The following SLC22A9 variants were observed in gnomAD, a reference collection of about 807,000 sequenced individuals.
SLC22A9 encodes the protein solute carrier family 22 member 9.
A neutral mutation model predicts 50.1 loss-of-function variants in SLC22A9; 64 were observed. That is an observed-to-expected ratio of 1.28 (90% CI 1.04 to 1.57). The LOEUF (loss-of-function observed/expected upper bound fraction) is 1.57. SLC22A9 is among the 40% of genes most tolerant of loss of function. SLC22A9 has a pLI of 0.00. For missense variants in SLC22A9, 757 were observed against 676.1 expected (o/e 1.12, Z -1.33); for synonymous variants, 261 against 242.5 (o/e 1.08, Z -0.71).
chr11:63,408,917 G>A, intron 9 of SLC22A9, 38 bp downstream of exon 9: 2 of 1,605,196 alleles, frequency 1.2e-6, no homozygotes, highest in Non-Finnish European at 1.7e-6. Flanking sequence ...GAGGATCTGT[G>A]TGCTATAGGT....
In SLC22A9 at chr11:63,389,644, G is replaced by A. The variant is rs1014796342; in HGVS notation, c.1073+7367G>A. On this transcript the variant is annotated intron_variant, in intron 6 of 9. Coordinates refer to ENST00000279178, the MANE Select transcript of SLC22A9 (RefSeq NM_080866.3). ...GTAAATAGTGCTGCGATAAACATAC[G>A]TGTGCATGTGTCTTTATAGTAGAAT... Among the ~76,000 whole-genome samples the A allele has an allele frequency of 1.4e-4, 21 of 152,228 alleles. 1 individual carries two copies. The highest frequency in any genetic ancestry group is 6.8e-3 in the Middle Eastern group (2 of 294).
At chr11:63,382,086 G>T in intron 5 of SLC22A9, 73 bp from the exon 6 acceptor site, 1 of 1,079,052 alleles carries the variant, frequency 9.3e-7, no homozygotes, top group Non-Finnish European at 1.4e-6. Flanking sequence ...TCATCTGTGG[G>T]TTGACCAGTG....
chr11:63,375,604 A>C, intron 4 of SLC22A9, 41 bp from the exon 5 acceptor site: 1 of 1,595,706 alleles, frequency 6.3e-7, no homozygotes, highest in Non-Finnish European at 8.5e-7. Context: ...AGAAATGAGG[A>C]AGTGAAAGTC....
At chr11:63,378,058 AG>A (rs911283384) in intron 5 of SLC22A9, among the ~76,000 whole-genome samples, 4 of 152,062 alleles carry the variant, frequency 2.6e-5, no homozygotes, top group South Asian at 2.1e-4. Context: ...AGTAATAAAA[AG>A]CCAGTCAACT....
chr11:63,378,701 T>G (rs2014508214), intron 5 of SLC22A9, among the ~76,000 whole-genome samples: 1 of 152,044 alleles, frequency 6.6e-6, no homozygotes, highest in Non-Finnish European at 1.5e-5. Flanking sequence ...TGTACAAAAA[T>G]CAGTAGCATT....
chr11:63,403,287 C>T (rs1245018564), intron 6 of SLC22A9, among the ~76,000 whole-genome samples: 1 of 152,006 alleles, frequency 6.6e-6, no homozygotes, highest in Non-Finnish European at 1.5e-5. Context: ...CAGATTTCTG[C>T]AGAAACCTTG....
rs866247142 is a variant in SLC22A9, at chr11:63,383,923, C to T, written c.1073+1646C>T. 2.2e-4 allele frequency among the ~76,000 whole-genome samples: 34 copies of T among 152,138 alleles called. No individual in the cohort carries two copies. The Middle Eastern group carries it at 0.01, about 46-fold the overall frequency. Reference sequence around the variant, plus strand: ...AATTAGTTGGGCGTGGTGGTGCACGCCTGTAGTCCCAGCTACTTGGGAGGC... The same window carrying T: ...AATTAGTTGGGCGTGGTGGTGCACGTCTGTAGTCCCAGCTACTTGGGAGGC... On this transcript the variant is annotated intron_variant, in intron 6 of 9. Coordinates refer to ENST00000279178, the MANE Select transcript of SLC22A9 (RefSeq NM_080866.3).
At chr11:63,374,314 G>C (rs963325950) in intron 4 of SLC22A9, among the ~76,000 whole-genome samples, 1 of 151,962 alleles carries the variant, frequency 6.6e-6, no homozygotes, top group Non-Finnish European at 1.5e-5. Context: ...TATTGTAAGA[G>C]ACATAATTTA....
chr11:63,392,587 A>G (rs528020806), intron 6 of SLC22A9, among the ~76,000 whole-genome samples: 1 of 151,992 alleles, frequency 6.6e-6, no homozygotes, highest in South Asian at 2.1e-4. Flanking sequence ...AAAGTCTGTT[A>G]CCAGATGTAT....
At position 63,398,514 on chromosome 11, in the gene SLC22A9, C is replaced by T. The variant is rs570054942; in HGVS notation, c.1074-7983C>T. ...CCCAGATTCTGACCACTGGGATGGG[C>T]GATTCCCCTCTGGCTAGGGCTGGTC... is the stretch of plus-strand genomic sequence containing the variant. On this transcript the variant is annotated intron_variant, in intron 6 of 9. Transcript: ENST00000279178. Among the ~76,000 whole-genome samples, 78 of 152,264 alleles carry T rather than the reference C, an allele frequency of 5.1e-4. 1 individual carries two copies. Among genetic ancestry groups the T allele is most frequent in the African/African-American group, 9.4e-4 (39 of 41,546 alleles).
chr11:63,392,361 G>A (rs1442469388), intron 6 of SLC22A9, among the ~76,000 whole-genome samples: 1 of 152,044 alleles, frequency 6.6e-6, no homozygotes, highest in Non-Finnish European at 1.5e-5. Flanking sequence ...TTGTCTTTCA[G>A]ATGGAAGAAA....
intron 6 of SLC22A9, among the ~76,000 whole-genome samples, chr11:63,384,806 T>C (rs1247851905): frequency 1.3e-5 from 2 of 152,146 alleles, no homozygotes. Flanking sequence ...GCATGTTATT[T>C]CTTGACTTTT....
intron 6 of SLC22A9, among the ~76,000 whole-genome samples, chr11:63,386,831 T>G (rs1222834110): frequency 6.6e-6 from 1 of 151,604 alleles, no homozygotes; most frequent in Non-Finnish European, 1.5e-5. Flanking sequence ...GATGATTTTG[T>G]TTTTTTGTTT....
At chr11:63,389,532 T>C (rs932806540) in intron 6 of SLC22A9, among the ~76,000 whole-genome samples, 2 of 152,232 alleles carry the variant, frequency 1.3e-5, no homozygotes, top group Non-Finnish European at 2.9e-5. Context: ...TATGGCTGCA[T>C]GGTATTCCAT....
At chr11:63,408,286 T>G in intron 8 of SLC22A9, 66 bp downstream of exon 8, 1 of 1,279,722 alleles carries the variant, frequency 7.8e-7, no homozygotes, top group South Asian at 1.2e-5. Context: ...TGACACTTTT[T>G]GCGGGAAGAA....
intron 6 of SLC22A9, among the ~76,000 whole-genome samples, chr11:63,386,335 C>T (rs2119927488): frequency 6.6e-6 from 1 of 150,616 alleles, no homozygotes; most frequent in Admixed American, 6.6e-5. Flanking sequence ...AGGGAGGAGT[C>T]CTTCCTTTTC....
rs72542472 is a variant in SLC22A9 at position 63,369,856 on chromosome 11, CTA to C, written c.-200_-199del. 3,466 of 515,452 alleles carry C rather than the reference CTA, an allele frequency of 6.7e-3. 17 individuals are homozygous for C. The highest frequency in any genetic ancestry group is 0.018 in the African/African-American group (942 of 51,718). 31.9% of individuals were successfully genotyped at this position (515,452 alleles called of 1,614,324 possible). ...TCTTACGTGACTTTAGAGAAAACGG[CTA>C]CCTATCTGACCCCAAAACGACTTGA... On this transcript the variant is annotated 5_prime_UTR_variant, in exon 1 of 10. Transcript: ENST00000279178.
chr11:63,408,041 C>A, intron 7 of SLC22A9, 71 bp from the exon 8 acceptor site: 1 of 1,277,294 alleles, frequency 7.8e-7, no homozygotes, highest in Non-Finnish European at 1.1e-6. Context: ...CAGTCCTTTT[C>A]ACTTCTACCT....
At chr11:63,377,882 A>T (rs1385504887) in intron 5 of SLC22A9, among the ~76,000 whole-genome samples, 1 of 152,036 alleles carries the variant, frequency 6.6e-6, no homozygotes, top group African/African-American at 2.4e-5. Flanking sequence ...CACCAACAAC[A>T]CAGAAATACA....
Sources: gnomAD v4.1 joint callset for allele counts (sites outside exome capture counted in the v4.1 genomes callset) on GRCh38, gnomAD v4.1.1 for gene constraint, MANE v1.5 for transcripts, NCBI Gene and HGNC (gene_info 2026-07-23, HGNC 2026-07-21) for gene names.